The following FOXN3 variants were observed in gnomAD, a reference collection of about 807,000 sequenced individuals.
The protein encoded by FOXN3 is forkhead box N3.
Under a neutral mutation model 38.4 loss-of-function variants are expected in FOXN3, and 7 were observed. The ratio of observed to expected loss-of-function variants is 0.18; its 90% CI spans 0.10 to 0.34. FOXN3 has a LOEUF of 0.34. FOXN3 is among the 10% of genes least tolerant of loss of function. The pLI is 1.00. For synonymous variants in FOXN3, 230 were observed against 242.2 expected, an observed-to-expected ratio of 0.95 and a Z score of 0.47; for missense variants, 456 against 613.4, an observed-to-expected ratio of 0.74 and a Z score of 2.71.
At chr14:89,301,125 A>C (rs1887204984) in intron 3 of FOXN3, among the ~76,000 whole-genome samples, 1 of 152,124 alleles carries the variant, frequency 6.6e-6, no homozygotes, top group African/African-American at 2.4e-5. Flanking sequence ...TTTTTATAAA[A>C]CATTTTTCCT....
chr14:89,515,752 A>C (rs548901465), intron 1 of FOXN3, among the ~76,000 whole-genome samples: 1 of 152,224 alleles, frequency 6.6e-6, no homozygotes, highest in East Asian at 1.9e-4. Flanking sequence ...AAAAAAAACA[A>C]GCATGTATTC....
intron 3 of FOXN3, 102 bp downstream of exon 3, chr14:89,350,570 T>C: frequency 9.5e-7 from 1 of 1,054,696 alleles, no homozygotes; most frequent in Non-Finnish European, 1.3e-6. Flanking sequence ...CCTGCAGTTA[T>C]TTTTAAAATC....
chr14:89,241,555 C>T (rs776644312), intron 4 of FOXN3, among the ~76,000 whole-genome samples: 8 of 152,178 alleles, frequency 5.3e-5, no homozygotes, highest in Non-Finnish European at 4.4e-5. Context: ...CAGTTTCCTC[C>T]TATGTAAAGC....
At chr14:89,261,283 C>A (rs1398770741) in intron 4 of FOXN3, among the ~76,000 whole-genome samples, 1 of 152,168 alleles carries the variant, frequency 6.6e-6, no homozygotes, top group Non-Finnish European at 1.5e-5. Flanking sequence ...TTCCTGAGAT[C>A]TATCACTGTG....
At chr14:89,538,887 C>T (rs896756084) in intron 1 of FOXN3, among the ~76,000 whole-genome samples, 6 of 151,286 alleles carry the variant, frequency 4.0e-5, no homozygotes, top group African/African-American at 4.9e-5. Flanking sequence ...TCTGTCGCCC[C>T]GGCTGGAGTG....
At chr14:89,466,824 G>A (rs1383427206) in intron 1 of FOXN3, among the ~76,000 whole-genome samples, 1 of 152,136 alleles carries the variant, frequency 6.6e-6, no homozygotes, top group Non-Finnish European at 1.5e-5. Context: ...TACTGTTCCA[G>A]TCACCACACT....
At chr14:89,328,442 G>C (rs1274550482) in intron 3 of FOXN3, among the ~76,000 whole-genome samples, 1 of 151,724 alleles carries the variant, frequency 6.6e-6, no homozygotes, top group Non-Finnish European at 1.5e-5. Flanking sequence ...TGGGTAAAGA[G>C]ACATTCCCAA....
At chr14:89,208,665 TGGGG>T (rs1892310120) in intron 4 of FOXN3, among the ~76,000 whole-genome samples, 1 of 152,182 alleles carries the variant, frequency 6.6e-6, no homozygotes, top group South Asian at 2.1e-4. Flanking sequence ...GAACTGTCTG[TGGGG>T]AAATGCAACC....
At chr14:89,539,083 C>A (rs909634275) in intron 1 of FOXN3, among the ~76,000 whole-genome samples, 1 of 152,050 alleles carries the variant, frequency 6.6e-6, no homozygotes, top group African/African-American at 2.4e-5. Flanking sequence ...ACCTCATGAT[C>A]CACCTGCCTC....
chr14:89,461,040 G>C (rs1016945106), intron 1 of FOXN3, among the ~76,000 whole-genome samples: 4 of 128,696 alleles, frequency 3.1e-5, no homozygotes, highest in Admixed American at 7.9e-5. Context: ...AAAAAAAAAG[G>C]GGGGGGGAGG....
At chr14:89,489,533 T>G (rs1893529574) in intron 1 of FOXN3, among the ~76,000 whole-genome samples, 1 of 152,236 alleles carries the variant, frequency 6.6e-6, no homozygotes, top group African/African-American at 2.4e-5. Context: ...TAAAAAATTT[T>G]TTTATATTCC....
At chr14:89,175,254 C>T (rs764475565) in intron 5 of FOXN3, among the ~76,000 whole-genome samples, 11 of 152,200 alleles carry the variant, frequency 7.2e-5, no homozygotes, top group Non-Finnish European at 1.2e-4. Flanking sequence ...TAAAATTAAG[C>T]AGCCTTAGAC....
At chr14:89,569,019 A>T (rs1353998708) in intron 1 of FOXN3, among the ~76,000 whole-genome samples, 1 of 152,218 alleles carries the variant, frequency 6.6e-6, no homozygotes, top group South Asian at 2.1e-4. Context: ...CCCGGCTAAC[A>T]CGGTGAAACC....
At position 89,574,838 on chromosome 14, in the gene FOXN3, A is replaced by C. The variant is rs536878340; in HGVS notation, c.-15+44190T>G. On this transcript the variant is annotated intron_variant, in intron 1 of 6. Transcript: ENST00000345097. The stretch of plus-strand genomic sequence containing the variant: ...CTCCGAGGCTCCTCCAATTCTTAAA[A>C]TCTCTTCCCTATGAAAATCAGAATT... Among the ~76,000 whole-genome samples the C allele has an allele frequency of 3.9e-5, 6 of 152,172 alleles. No homozygotes were observed. In the South Asian group the frequency reaches 1.2e-3, roughly 32 times the overall value.
rs183706809 is a variant in FOXN3 at position 89,310,828 on chromosome 14, C to T, written c.681-29814G>A. Among the ~76,000 whole-genome samples, 354 of 152,176 alleles carry T rather than the reference C, an allele frequency of 2.3e-3. 1 individual carries two copies. The highest frequency in any genetic ancestry group is 4.2e-3 in the Non-Finnish European group (285 of 68,016). ...ATGAAAAATCCTTATATCTTTTGGCCAGGCACTGTGGCTCACACCTGTAAT... is the reference window on the plus strand; with the variant it reads ...ATGAAAAATCCTTATATCTTTTGGCTAGGCACTGTGGCTCACACCTGTAAT... On this transcript the variant is annotated intron_variant, in intron 3 of 5. Coordinates refer to ENST00000557258, the MANE Select transcript of FOXN3 (RefSeq NM_005197.4).
At chr14:89,200,805 A>T (rs940666548) in intron 4 of FOXN3, among the ~76,000 whole-genome samples, 1 of 152,100 alleles carries the variant, frequency 6.6e-6, no homozygotes, top group Non-Finnish European at 1.5e-5. Flanking sequence ...TTTATCTGGC[A>T]CTCTAAATTT....
chr14:89,614,734 C>A (rs1006708991), intron 1 of FOXN3, among the ~76,000 whole-genome samples: 4 of 152,230 alleles, frequency 2.6e-5, no homozygotes, highest in South Asian at 2.1e-4. Flanking sequence ...TCCCTCAGAG[C>A]AGCTCTGTTT....
At chr14:89,545,795 A>G (rs2139854881) in intron 1 of FOXN3, among the ~76,000 whole-genome samples, 1 of 152,292 alleles carries the variant, frequency 6.6e-6, no homozygotes, top group Non-Finnish European at 1.5e-5. Flanking sequence ...TCTCAAGTCC[A>G]ACACTGGCCA....
intron 2 of FOXN3, among the ~76,000 whole-genome samples, chr14:89,363,982 ATATAT>A (rs1890039347): frequency 1.1e-5 from 1 of 92,506 alleles, no homozygotes; most frequent in African/African-American, 5.1e-5. Context: ...ATATATATAT[ATATAT>A]AATATATATA....
Sources: gnomAD v4.1 joint callset for allele counts (sites outside exome capture counted in the v4.1 genomes callset) on GRCh38, gnomAD v4.1.1 for gene constraint, MANE v1.5 for transcripts, NCBI Gene and HGNC (gene_info 2026-07-23, HGNC 2026-07-21) for gene names.